The following CCSER1 variants were observed in gnomAD, a reference collection of about 807,000 sequenced individuals.
CCSER1 encodes the protein serine-rich coiled-coil domain-containing protein 1.
CCSER1 carries 41 observed loss-of-function variants against 82.0 expected under a neutral mutation model. That is an observed-to-expected ratio of 0.50 (90% CI 0.39 to 0.65). The LOEUF is 0.65. Ranked by LOEUF, CCSER1 falls within the 30% of genes least tolerant of loss-of-function variation. CCSER1 has a pLI of 0.00. For missense variants in CCSER1, 1,119 were observed against 1,064.2 expected (o/e 1.05, Z -0.72); for synonymous variants, 414 against 383.9 (o/e 1.08, Z -0.92).
At chr4:90,749,672 T>C (rs1232506784) in intron 7 of CCSER1, among the ~76,000 whole-genome samples, 1 of 152,108 alleles carries the variant, frequency 6.6e-6, no homozygotes, top group African/African-American at 2.4e-5. Flanking sequence ...ACCCCACATT[T>C]TGTTAATCCA....
At chr4:90,563,892 A>T (rs1017966937) in intron 5 of CCSER1, among the ~76,000 whole-genome samples, 3 of 152,202 alleles carry the variant, frequency 2.0e-5, no homozygotes, top group Non-Finnish European at 4.4e-5. Context: ...ACTAAGTTAC[A>T]TTCCTACCAA....
chr4:90,403,764 A>G (rs1479888862), intron 4 of CCSER1, among the ~76,000 whole-genome samples: 2 of 152,190 alleles, frequency 1.3e-5, no homozygotes, highest in African/African-American at 4.8e-5. Flanking sequence ...TTATTATGGT[A>G]GTTTATAGTA....
intron 9 of CCSER1, among the ~76,000 whole-genome samples, chr4:91,074,147 G>T (rs927125844): frequency 6.6e-6 from 1 of 152,162 alleles, no homozygotes; most frequent in Admixed American, 6.5e-5. Context: ...TGTCTAAAGA[G>T]ATCAGTTCAA....
intron 3 of CCSER1, among the ~76,000 whole-genome samples, chr4:90,323,315 G>A (rs897453994): frequency 6.6e-6 from 1 of 152,218 alleles, no homozygotes; most frequent in African/African-American, 2.4e-5. Flanking sequence ...GCAGAACTGG[G>A]ATTTGCCCAA....
chr4:90,264,455 A>T (rs1348527003), intron 1 of CCSER1, among the ~76,000 whole-genome samples: 1 of 152,190 alleles, frequency 6.6e-6, no homozygotes, highest in Non-Finnish European at 1.5e-5. Flanking sequence ...ATAAAAAGTT[A>T]GTTTATTACA....
At chr4:91,257,503 C>CACA (rs1740789128) in intron 10 of CCSER1, among the ~76,000 whole-genome samples, 2 of 123,906 alleles carry the variant, frequency 1.6e-5, no homozygotes, top group African/African-American at 2.9e-5. Context: ...ACACACACAC[C>CACA]CATTTCTGTA....
intron 5 of CCSER1, among the ~76,000 whole-genome samples, chr4:90,583,322 C>T (rs140707600): frequency 4.9e-4 from 75 of 152,038 alleles, no homozygotes; most frequent in African/African-American, 1.5e-3. Flanking sequence ...CCCGCCACTA[C>T]GCCTGGCTAA....
intron 5 of CCSER1, among the ~76,000 whole-genome samples, chr4:90,525,901 AACTTCTGGATT>A (rs1773701754): frequency 6.6e-6 from 1 of 152,150 alleles, no homozygotes; most frequent in Non-Finnish European, 1.5e-5. Context: ...CAGCCTTCAT[AACTTCTGGATT>A]ACAGACATGA....
chr4:90,785,764 A>G (rs4518209), intron 7 of CCSER1, among the ~76,000 whole-genome samples: 80,432 of 151,870 alleles, frequency 0.53, 21,903 homozygotes, highest in African/African-American at 0.65. Flanking sequence ...TAGATTTTAC[A>G]GTAACATCTT....
intron 3 of CCSER1, among the ~76,000 whole-genome samples, chr4:90,332,530 C>T (rs894531864): frequency 2.0e-5 from 3 of 152,056 alleles, no homozygotes; most frequent in African/African-American, 7.2e-5. Flanking sequence ...GCCACCATAC[C>T]CGGCTATTTT....
chr4:91,036,563 T>C (rs1424144502), intron 9 of CCSER1, among the ~76,000 whole-genome samples: 1 of 152,216 alleles, frequency 6.6e-6, no homozygotes, highest in East Asian at 1.9e-4. Context: ...CGATCCTAAA[T>C]TTGTGTCATT....
At chr4:91,373,810 C>T (rs1383369321) in intron 10 of CCSER1, among the ~76,000 whole-genome samples, 1 of 152,076 alleles carries the variant, frequency 6.6e-6, no homozygotes, top group Non-Finnish European at 1.5e-5. Context: ...AGCAATTAGC[C>T]ACGTTGTGAA....
At chr4:91,332,259 CA>C (rs1747008074) in intron 10 of CCSER1, among the ~76,000 whole-genome samples, 1 of 151,684 alleles carries the variant, frequency 6.6e-6, no homozygotes, top group Admixed American at 6.6e-5. Flanking sequence ...CTTTGGTAAT[CA>C]AAATATAATT....
chr4:90,618,290 A>T (rs913756267), intron 5 of CCSER1, among the ~76,000 whole-genome samples: 1 of 152,000 alleles, frequency 6.6e-6, no homozygotes, highest in African/African-American at 2.4e-5. Flanking sequence ...TTTATGCCAA[A>T]TTACAGGACA....
At chr4:90,266,938 T>A in intron 1 of CCSER1, among the ~76,000 whole-genome samples, 1 of 151,704 alleles carries the variant, frequency 6.6e-6, no homozygotes, top group East Asian at 2.0e-4. Flanking sequence ...GAGAGGCCTC[T>A]TCTGCTTGAG....
At chr4:90,324,550 A>G (rs1272134496) in intron 3 of CCSER1, among the ~76,000 whole-genome samples, 2 of 150,146 alleles carry the variant, frequency 1.3e-5, no homozygotes, top group Non-Finnish European at 3.0e-5. Context: ...GTTTGAGTTC[A>G]TTGTAGATTC....
rs112701176 is a variant in CCSER1 at position 91,527,976 on chromosome 4, G to A, written c.2218-70596G>A. On this transcript the variant is annotated intron_variant, in intron 10 of 10. Coordinates refer to ENST00000509176, the MANE Select transcript of CCSER1 (RefSeq NM_001145065.2). ...GTCACCCAGGCTGGAGTGCAGTGTC[G>A]CGATCTCGGCTCCCTGCAACCTCCA... 7.4e-4 allele frequency among the ~76,000 whole-genome samples: 113 copies of A among 152,092 alleles called. 1 individual carries two copies. The highest frequency in any genetic ancestry group is 2.5e-3 in the African/African-American group (104 of 41,502).
At chr4:90,269,036 C>G (rs1012858820) in intron 1 of CCSER1, among the ~76,000 whole-genome samples, 2 of 151,932 alleles carry the variant, frequency 1.3e-5, no homozygotes, top group Non-Finnish European at 2.9e-5. Context: ...ACCAGAGTAC[C>G]CAGATATGTA....
intron 6 of CCSER1, among the ~76,000 whole-genome samples, chr4:90,643,672 C>T (rs545256651): frequency 1.3e-5 from 2 of 152,256 alleles, no homozygotes; most frequent in South Asian, 2.1e-4. Flanking sequence ...CTGAGGGCCA[C>T]TAGTGAAACA....
Sources: allele counts gnomAD v4.1 joint callset (sites outside exome capture counted in the v4.1 genomes callset), GRCh38; gene constraint gnomAD v4.1.1; transcripts MANE v1.5; gene names NCBI Gene and HGNC (gene_info 2026-07-23, HGNC 2026-07-21).